The following ADPRHL1 variants were observed in gnomAD, a reference collection of about 807,000 sequenced individuals.
ADPRHL1 encodes the protein inactive ADP-ribosyltransferase ARH2.
ADPRHL1 carries 43 observed loss-of-function variants against 44.1 expected under a neutral mutation model. That is an observed-to-expected ratio of 0.98 (90% CI 0.76 to 1.26). The LOEUF (loss-of-function observed/expected upper bound fraction) is 1.26. ADPRHL1 is among the 50% of genes most tolerant of loss of function. The pLI is 0.00. For missense variants in ADPRHL1, 2,022 were observed against 2,496.9 expected, an observed-to-expected ratio of 0.81 and a Z score of 4.05; for synonymous variants, 878 against 1,017.4, an observed-to-expected ratio of 0.86 and a Z score of 2.61.
chr13:113,437,570 T>C (rs910053064), intron 2 of ADPRHL1, among the ~76,000 whole-genome samples: 1 of 152,228 alleles, frequency 6.6e-6, no homozygotes, highest in Non-Finnish European at 1.5e-5. Flanking sequence ...CGTGCCGTGC[T>C]TTCCGCCTGG....
rs113300972 is a variant in ADPRHL1, at chr13:113,400,198, T to A, written c.*3180A>T. 14 of 146,774 alleles carry A rather than the reference T, an allele frequency of 9.5e-5. No homozygotes were observed. The highest frequency in any genetic ancestry group is 3.5e-4 in the African/African-American group (14 of 39,646). The allele number at this position is 146,774 out of a possible 1,614,324, so 9.1% of individuals were successfully genotyped here. ...TCTCGCTCTGTCACCCAGGCTGGAG[T>A]GCAGTGGCGCAATCTCGGCTCACTG... is the stretch of plus-strand genomic sequence containing the variant. On this transcript the variant is annotated 3_prime_UTR_variant, in exon 8 of 8. Transcript: ENST00000612156.
At chr13:113,450,905 A>T (rs2044173576) in intron 1 of ADPRHL1, among the ~76,000 whole-genome samples, 2 of 152,108 alleles carry the variant, frequency 1.3e-5, no homozygotes, top group South Asian at 4.2e-4. Context: ...GGCCCTCCAC[A>T]AGAGGTGGAA....
chr13:113,430,787 T>C (rs1282823556), intron 3 of ADPRHL1, among the ~76,000 whole-genome samples: 1 of 151,896 alleles, frequency 6.6e-6, no homozygotes, highest in East Asian at 1.9e-4. Flanking sequence ...ACAGTGTTGC[T>C]AGCGACAGCA....
At chr13:113,430,266 C>A (rs1355959994) in intron 3 of ADPRHL1, among the ~76,000 whole-genome samples, 1 of 152,182 alleles carries the variant, frequency 6.6e-6, no homozygotes, top group African/African-American at 2.4e-5. Flanking sequence ...TAACAATGCC[C>A]AGGGCTGGCA....
intron 7 of ADPRHL1, among the ~76,000 whole-genome samples, chr13:113,418,344 G>A (rs547375190): frequency 7.2e-5 from 11 of 152,310 alleles, no homozygotes; most frequent in African/African-American, 2.4e-4. Context: ...GACGGGGGCT[G>A]GGCTTCGCCA....
intron 1 of ADPRHL1, among the ~76,000 whole-genome samples, chr13:113,451,664 C>T (rs1000155587): frequency 2.0e-5 from 3 of 152,136 alleles, no homozygotes; most frequent in Non-Finnish European, 4.4e-5. Flanking sequence ...AAAAATCAGC[C>T]GGGCGTGGTG....
chr13:113,418,350 C>T (rs924648151), intron 7 of ADPRHL1, among the ~76,000 whole-genome samples: 3 of 152,182 alleles, frequency 2.0e-5, no homozygotes, highest in African/African-American at 4.8e-5. Context: ...GGCTGGGCTT[C>T]GCCACTTCCT....
chr13:113,444,681 G>A, intron 1 of ADPRHL1, 92 bp from the exon 2 acceptor site: 1 of 1,455,632 alleles, frequency 6.9e-7, no homozygotes, highest in Non-Finnish European at 9.4e-7. Flanking sequence ...GTCTGGGGAA[G>A]AAAGGGAGGG....
Position 113,422,564 on chromosome 13 carries a change from C to T in ADPRHL1, c.1061+262G>A, listed in dbSNP as rs565773659. 2.2e-4 allele frequency: 110 copies of T among 503,042 alleles called. 1 individual carries two copies. The South Asian group carries it at 2.5e-3, about 12-fold the overall frequency. 31.2% of individuals were successfully genotyped at this position (503,042 alleles called of 1,614,324 possible). ...TCCAGGAGACTGCGGGTGAGTGCCA[C>T]GCATGGAGGTCCAAGTGCGGCAAAT... On this transcript the variant is annotated intron_variant, in intron 7 of 7. Transcript: ENST00000612156.
Position 113,410,583 on chromosome 13 carries a change from C to A in ADPRHL1, c.1062-2363G>T, listed in dbSNP as rs74115877. 3.8e-3 allele frequency among the ~76,000 whole-genome samples: 582 copies of A among 152,344 alleles called. 3 individuals carry two copies. Among genetic ancestry groups the A allele is most frequent in the African/African-American group, 0.014 (564 of 41,578 alleles). ...AAGGAGCAGCTGTGCGTCCTGCTGC[C>A]AGGCACGCCCTCGTTCTGAGTCATT... is the stretch of plus-strand genomic sequence containing the variant. On this transcript the variant is annotated intron_variant, in intron 7 of 7. Coordinates refer to ENST00000612156, the MANE Select transcript of ADPRHL1 (RefSeq NM_001394807.1).
In ADPRHL1 at chr13:113,401,901, A is replaced by G. The variant is rs916974218; in HGVS notation, c.*1477T>C. Reference sequence around the variant, plus strand: ...GAGACCTCAGCCCCGCGTGGGTAGGACGCGCCTGCTGAACGCCCTCTCAGG... The same window carrying G: ...GAGACCTCAGCCCCGCGTGGGTAGGGCGCGCCTGCTGAACGCCCTCTCAGG... On this transcript the variant is annotated 3_prime_UTR_variant, in exon 8 of 8. Transcript: ENST00000612156. This position sits in a 1 kb window ranked among gnomAD's most constrained non-coding sequence, Gnocchi z 5.5. The G allele has an allele frequency of 1.3e-5, 2 of 152,244 alleles. No homozygotes were observed. The highest frequency in any genetic ancestry group is 2.9e-5 in the Non-Finnish European group (2 of 68,042). 9.4% of individuals were successfully genotyped at this position (152,244 alleles called of 1,614,324 possible).
rs2043797985 is a variant in ADPRHL1, at chr13:113,405,154, G to A, written c.4128C>T (p.Asp1376=). ...CCTGGTGACTCTGTTGCCTCCCCAGGTCCGCCTGTGTCAGGGGACGCTCCT... is the reference window on the plus strand; with the variant it reads ...CCTGGTGACTCTGTTGCCTCCCCAGATCCGCCTGTGTCAGGGGACGCTCCT... ...ESQERPLTQA[D]LGRQQSHQAQ... Residue 1376 remains aspartate (D), a synonymous_variant, in exon 8 of 8, where the codon GAC becomes GAT. Transcript: ENST00000612156. 3.2e-6 allele frequency: 4 copies of A among 1,231,846 alleles called. No homozygotes were observed. In the South Asian group the frequency reaches 1.6e-4, roughly 51 times the overall value. The allele number at this position is 1,231,846 out of a possible 1,614,324, so 76.3% of individuals were successfully genotyped here.
At position 113,407,052 on chromosome 13, in the gene ADPRHL1, C is replaced by T; in HGVS notation, c.2230G>A (p.Ala744Thr). 8.1e-7 allele frequency: 1 copy of T among 1,232,280 alleles called. No homozygotes were observed. The highest frequency in any genetic ancestry group is 3.2e-5 in the East Asian group (1 of 31,710). The allele number at this position is 1,232,280 out of a possible 1,614,324, so 76.3% of individuals were successfully genotyped here. ...GTGSAGGDGT[A>T]DPTAESTAGG... ...GCGGTGCTCTCTGCGGTGGGGTCTG[C>T]AGTCCCATCACCTCCGGCTGATCCG... The change falls in exon 8 of 8, where the codon GCA becomes ACA. Residue 744 changes from alanine to threonine, a missense_variant. Around this residue, in one of 8 missense-constraint regions of ADPRHL1, gnomAD observed 1,221 missense variants for 1,517.8 expected, o/e 0.80. Transcript: ENST00000612156.
At chr13:113,422,775 C>T in intron 7 of ADPRHL1, 51 bp downstream of exon 7, 4 of 1,608,232 alleles carry the variant, frequency 2.5e-6, no homozygotes, top group Middle Eastern at 1.7e-4. Context: ...GCCCTACGGG[C>T]CCCGGGGTGG....
chr13:113,445,987 A>G (rs2044133970), intron 1 of ADPRHL1, among the ~76,000 whole-genome samples: 1 of 121,410 alleles, frequency 8.2e-6, no homozygotes, highest in African/African-American at 3.7e-5. Context: ...CAGGATCCTG[A>G]GGCTGCACAC....
chr13:113,413,531 G>A (rs1272866132), intron 7 of ADPRHL1, among the ~76,000 whole-genome samples: 8 of 152,216 alleles, frequency 5.3e-5, no homozygotes, highest in Non-Finnish European at 8.8e-5. Context: ...CTCCCGAGGC[G>A]CCCTGTGATC....
At chr13:113,411,922 C>T (rs568090635) in intron 7 of ADPRHL1, among the ~76,000 whole-genome samples, 1 of 152,342 alleles carries the variant, frequency 6.6e-6, no homozygotes, top group East Asian at 1.9e-4. Context: ...CTGGGCTGCC[C>T]CTTCTCGTCA....
Position 113,424,206 on chromosome 13 carries a change from G to A in ADPRHL1, c.907+11C>T, listed in dbSNP as rs774846550. The A allele has an allele frequency of 1.8e-5, 29 of 1,612,328 alleles. No homozygotes were observed. The highest frequency in any genetic ancestry group is 1.0e-4 in the Admixed American group (6 of 59,952). On this transcript the variant is annotated intron_variant, in intron 6 of 7. Coordinates refer to ENST00000612156, the MANE Select transcript of ADPRHL1 (RefSeq NM_001394807.1). ...CCTCCAGGAAGCCACGGCCATTAAG[G>A]AACATCTCACCTCCATGAAACATGG...
In ADPRHL1 at chr13:113,407,307, C is replaced by T. The variant is rs2043816434; in HGVS notation, c.1975G>A (p.Ala659Thr). 8.1e-7 allele frequency: 1 copy of T among 1,232,024 alleles called. No individual in the cohort carries two copies. The highest frequency in any genetic ancestry group is 4.2e-5 in the Admixed American group (1 of 23,728). 76.3% of individuals were successfully genotyped at this position (1,232,024 alleles called of 1,614,324 possible). A position where few individuals can be genotyped will look rare whatever the true frequency, so the allele number is the denominator to read the frequency against. Residue 659 changes from alanine (A) to threonine (T), a missense_variant, in exon 8 of 8, where the codon GCC becomes ACC. Physicochemically the swap from Ala to Thr is moderately conservative, Grantham distance 58. This residue lies in a region of ADPRHL1 where 1,221 missense variants were observed against 1,517.8 expected (regional missense o/e 0.80). Transcript: ENST00000612156. ...PRGEASVPPSARETGPSGNKA... is the reference protein window; with the variant it reads ...PRGEASVPPSTRETGPSGNKA... ...TTCCCACTGGGCCCCGTCTCCCTGG[C>T]ACTAGGGGGCACGCTGGCTTCTCCT...
Sources: allele counts gnomAD v4.1 joint callset (sites outside exome capture counted in the v4.1 genomes callset), GRCh38; gene constraint gnomAD v4.1.1; regional missense constraint gnomAD v4.1.1; non-coding constraint Gnocchi (gnomAD v3.1); transcripts MANE v1.5; gene names NCBI Gene and HGNC (gene_info 2026-07-23, HGNC 2026-07-21).